Variants in RARB observed in about 807,000 individuals in gnomAD.
The protein encoded by RARB is retinoic acid receptor beta.
A neutral mutation model predicts 51.9 loss-of-function variants in RARB; 17 were observed. That is an observed-to-expected ratio of 0.33 (90% CI 0.22 to 0.49). The LOEUF (loss-of-function observed/expected upper bound fraction) is 0.49, where lower values mean the gene tolerates loss of function less well. Ranked by LOEUF, RARB falls within the 20% of genes least tolerant of loss-of-function variation. The pLI is 0.99. For missense variants in RARB, 369 were observed against 550.8 expected (o/e 0.67, Z 3.30); for synonymous variants, 215 against 195.4 (o/e 1.10, Z -0.84).
chr3:24,886,527 C>G (rs1188043908), intron 2 of RARB, among the ~76,000 whole-genome samples: 5 of 151,892 alleles, frequency 3.3e-5, no homozygotes, highest in African/African-American at 1.2e-4. Flanking sequence ...TTACTGCAGC[C>G]TTTACCTCCC....
At position 24,902,974 on chromosome 3, in the gene RARB, A is replaced by G. The variant is rs181254791; in HGVS notation, c.-380+44222A>G. The stretch of plus-strand genomic sequence containing the variant: ...AACTAATTTTTTCAAACCTTTCAAA[A>G]TATATTGAGAGAAACAAGACGCCTC... On this transcript the variant is annotated intron_variant, in intron 2 of 11. Transcript: ENST00000383772. Among the ~76,000 whole-genome samples the G allele has an allele frequency of 2.3e-3, 353 of 152,292 alleles. 1 individual carries two copies. The highest frequency in any genetic ancestry group is 8.1e-3 in the African/African-American group (335 of 41,580).
chr3:25,228,224 T>TTTG (rs1553645929), intron 5 of RARB, among the ~76,000 whole-genome samples: 2 of 147,470 alleles, frequency 1.4e-5, no homozygotes, highest in Non-Finnish European at 3.0e-5. Context: ...AGGGTTTTTT[T>TTTG]TTTTTTTTTT....
chr3:25,333,070 A>G (rs1471657439), intron 5 of RARB, among the ~76,000 whole-genome samples: 1 of 152,266 alleles, frequency 6.6e-6, no homozygotes, highest in Non-Finnish European at 1.5e-5. Context: ...ATGGATAGGA[A>G]GAATCAATAT....
At chr3:25,327,350 A>G (rs144717768) in intron 5 of RARB, among the ~76,000 whole-genome samples, 243 of 152,290 alleles carry the variant, frequency 1.6e-3, no homozygotes, top group African/African-American at 5.7e-3. Flanking sequence ...CAGCACTACT[A>G]CAATATTTCA....
chr3:25,382,260 A>C (rs994348614), intron 5 of RARB, among the ~76,000 whole-genome samples: 1 of 152,246 alleles, frequency 6.6e-6, no homozygotes, highest in South Asian at 2.1e-4. Context: ...ACCTCTCAAA[A>C]TAATCAGGAC....
At chr3:25,013,140 G>A (rs1486942864) in intron 2 of RARB, among the ~76,000 whole-genome samples, 2 of 152,112 alleles carry the variant, frequency 1.3e-5, no homozygotes, top group Non-Finnish European at 1.5e-5. Flanking sequence ...GACCTAGGCA[G>A]TGGTTGCAGA....
At chr3:25,329,650 G>A (rs776389560) in intron 5 of RARB, among the ~76,000 whole-genome samples, 2 of 152,216 alleles carry the variant, frequency 1.3e-5, no homozygotes, top group South Asian at 4.1e-4. Context: ...AACAAAGCTG[G>A]ATGGAGAATG....
chr3:25,375,248 A>G (rs1706424388), intron 5 of RARB, among the ~76,000 whole-genome samples: 1 of 152,216 alleles, frequency 6.6e-6, no homozygotes, highest in Admixed American at 6.5e-5. Flanking sequence ...CAGGTGAGCC[A>G]ATATCTTCTC....
At chr3:25,311,330 A>G (rs918901816) in intron 5 of RARB, among the ~76,000 whole-genome samples, 1 of 152,226 alleles carries the variant, frequency 6.6e-6, no homozygotes, top group African/African-American at 2.4e-5. Flanking sequence ...TGTGTGGACA[A>G]TTATTAAAAG....
intron 4 of RARB, among the ~76,000 whole-genome samples, chr3:25,168,461 A>G (rs745416801): frequency 6.6e-6 from 1 of 152,162 alleles, no homozygotes; most frequent in African/African-American, 2.4e-5. Context: ...CCTGATCTCA[A>G]GTAATCCACC....
intron 5 of RARB, among the ~76,000 whole-genome samples, chr3:25,345,315 T>C (rs1209835774): frequency 2.3e-4 from 35 of 152,186 alleles, no homozygotes; most frequent in Admixed American, 2.3e-3. Context: ...CACTTTATTT[T>C]TCCTTTTCGG....
intron 5 of RARB, among the ~76,000 whole-genome samples, chr3:25,284,411 A>C (rs932814756): frequency 2.0e-5 from 3 of 152,186 alleles, no homozygotes; most frequent in African/African-American, 7.2e-5. Flanking sequence ...ATATTTGAGC[A>C]ATAAAAATAT....
intron 4 of RARB, among the ~76,000 whole-genome samples, chr3:25,167,789 C>T (rs1039293314): frequency 6.6e-6 from 1 of 152,196 alleles, no homozygotes; most frequent in African/African-American, 2.4e-5. Flanking sequence ...TGAAAGGCCA[C>T]ATATTTCATA....
chr3:25,387,191 A>T (rs1274774595), intron 5 of RARB, among the ~76,000 whole-genome samples: 5 of 152,156 alleles, frequency 3.3e-5, no homozygotes, highest in Non-Finnish European at 7.3e-5. Flanking sequence ...CCAGCAGGAG[A>T]AAACAGTGGC....
intron 5 of RARB, among the ~76,000 whole-genome samples, chr3:25,265,913 C>G (rs1383741617): frequency 6.6e-6 from 1 of 152,146 alleles, no homozygotes; most frequent in East Asian, 1.9e-4. Context: ...GGTACAAGCT[C>G]TAGAAGCCAC....
At chr3:25,373,463 T>A (rs1706363419) in intron 5 of RARB, among the ~76,000 whole-genome samples, 1 of 152,142 alleles carries the variant, frequency 6.6e-6, no homozygotes, top group Non-Finnish European at 1.5e-5. Context: ...GAGACACTGC[T>A]TTTGTTGAGC....
intron 5 of RARB, among the ~76,000 whole-genome samples, chr3:25,231,711 G>C (rs1197938443): frequency 6.6e-6 from 1 of 152,062 alleles, no homozygotes; most frequent in African/African-American, 2.4e-5. Context: ...GTGTTTACTT[G>C]CCTTCTTTGA....
chr3:25,080,571 C>A (rs949055923), intron 3 of RARB, among the ~76,000 whole-genome samples: 1 of 152,154 alleles, frequency 6.6e-6, no homozygotes, highest in African/African-American at 2.4e-5. Flanking sequence ...ATATCCTTGT[C>A]AGCACTTATT....
At chr3:25,468,712 A>T (rs1418052246) in intron 2 of RARB, among the ~76,000 whole-genome samples, 1 of 152,230 alleles carries the variant, frequency 6.6e-6, no homozygotes, top group East Asian at 1.9e-4. Context: ...ATTTCATAAA[A>T]GAAATGACAT....
Sources: gnomAD v4.1 joint callset for allele counts (sites outside exome capture counted in the v4.1 genomes callset) on GRCh38, gnomAD v4.1.1 for gene constraint, MANE v1.5 for transcripts, NCBI Gene and HGNC (gene_info 2026-07-23, HGNC 2026-07-21) for gene names.